The following PIP5K1B variants were observed in gnomAD, a reference collection of about 807,000 sequenced individuals.
The protein encoded by PIP5K1B is phosphatidylinositol-4-phosphate 5-kinase type 1 beta, also known as phosphatidylinositol 4-phosphate 5-kinase type-1 beta.
A neutral mutation model predicts 67.0 loss-of-function variants in PIP5K1B; 42 were observed. The ratio of observed to expected loss-of-function variants is 0.63; its 90% CI spans 0.49 to 0.81. PIP5K1B has a LOEUF of 0.81. PIP5K1B is among the 30% of genes least tolerant of loss of function. The pLI is 0.00. For missense variants in PIP5K1B, 459 were observed against 646.3 expected (o/e 0.71, Z 3.14); for synonymous variants, 214 against 231.4 (o/e 0.92, Z 0.68).
intron 12 of PIP5K1B, among the ~76,000 whole-genome samples, chr9:68,925,371 C>T (rs1015663859): frequency 1.3e-5 from 2 of 152,180 alleles, no homozygotes; most frequent in Non-Finnish European, 2.9e-5. Flanking sequence ...CGTATTCTGC[C>T]AGCCCTTAGC....
rs573569124 is a variant in PIP5K1B at position 68,989,660 on chromosome 9, A to G, written c.1503-1480A>G. Among the ~76,000 whole-genome samples, 169 of 152,166 alleles carry G rather than the reference A, an allele frequency of 1.1e-3. 1 individual carries two copies. Among genetic ancestry groups the G allele is most frequent in the African/African-American group, 3.9e-3 (163 of 41,510 alleles). On this transcript the variant is annotated intron_variant, in intron 14 of 15. Transcript: ENST00000265382. ...AAATTTTGTATATCCATGAGCCCCT[A>G]AATTAATACCCAATTTTAACACTAT...
At chr9:68,978,056 A>G (rs566765363) in intron 14 of PIP5K1B, among the ~76,000 whole-genome samples, 5 of 152,310 alleles carry the variant, frequency 3.3e-5, no homozygotes, top group Admixed American at 6.5e-5. Flanking sequence ...TAAAAATTAT[A>G]TATATTTAAG....
intron 8 of PIP5K1B, among the ~76,000 whole-genome samples, chr9:68,895,329 A>AT (rs1403840600): frequency 6.6e-6 from 1 of 151,922 alleles, no homozygotes; most frequent in East Asian, 1.9e-4. Flanking sequence ...AGAGATAAAA[A>AT]TTTTTTTAGA....
Position 68,894,537 on chromosome 9 carries a change from A to C in PIP5K1B, c.670A>C (p.Thr224Pro). 1.2e-6 allele frequency: 2 copies of C among 1,614,060 alleles called. No individual in the cohort carries two copies. Among genetic ancestry groups the C allele is most frequent in the Non-Finnish European group, 1.7e-6 (2 of 1,179,924 alleles). Residue 224 changes from threonine (T) to proline (P), a missense_variant, in exon 8 of 16, where the codon ACA becomes CCA. Thr to Pro is a conservative substitution (Grantham distance 38). This residue lies in a region of PIP5K1B where 290 missense variants were observed against 474.4 expected (regional missense o/e 0.61). Coordinates refer to ENST00000265382, the MANE Select transcript of PIP5K1B (RefSeq NM_003558.4). ...SRKEREKSNP[T>P]FKDLDFLQDM... ...TAAAGAGAGAGAGAAATCCAACCCCACATTTAAGGACTTAGATTTCCTGCA... is the reference window on the plus strand; with the variant it reads ...TAAAGAGAGAGAGAAATCCAACCCCCCATTTAAGGACTTAGATTTCCTGCA...
At chr9:68,836,854 G>C (rs765446904) in intron 4 of PIP5K1B, among the ~76,000 whole-genome samples, 1 of 152,214 alleles carries the variant, frequency 6.6e-6, no homozygotes, top group Non-Finnish European at 1.5e-5. Context: ...TTGGCCCTCA[G>C]AGTCCCTAGT....
At chr9:68,936,327 A>G (rs995454845) in intron 13 of PIP5K1B, among the ~76,000 whole-genome samples, 2 of 152,026 alleles carry the variant, frequency 1.3e-5, no homozygotes, top group Non-Finnish European at 1.5e-5. Flanking sequence ...TTTGATACCC[A>G]TAATCAAGTC....
chr9:68,897,283 T>C (rs1446466362), intron 8 of PIP5K1B, among the ~76,000 whole-genome samples: 6 of 152,214 alleles, frequency 3.9e-5, no homozygotes, highest in African/African-American at 1.4e-4. Context: ...TAAACCTATA[T>C]TAGGATATAT....
chr9:68,885,416 T>A (rs1216134403), intron 6 of PIP5K1B, among the ~76,000 whole-genome samples: 2 of 152,204 alleles, frequency 1.3e-5, no homozygotes, highest in Non-Finnish European at 2.9e-5. Flanking sequence ...ACACAGTTAA[T>A]GTATATCTTT....
Position 68,940,755 on chromosome 9 carries a change from C to T in PIP5K1B, c.1467C>T (p.His489=), listed in dbSNP as rs1827518005. The T allele has an allele frequency of 6.2e-7, 1 of 1,613,780 alleles. No homozygotes were observed. Among genetic ancestry groups the T allele is most frequent in the South Asian group, 1.1e-5 (1 of 91,070 alleles). ...ISSSSLYVNE[H]YPHDRPTLYS... is the part of the protein sequence containing the mutation. ...CTTCTTCCTTATACGTCAATGAGCA[C>T]TATCCACACGACAGGCCTACACTCT... is the stretch of plus-strand genomic sequence containing the variant. The change falls in exon 14 of 16, where the codon CAC becomes CAT. Residue 489 remains histidine (H), a synonymous_variant. Transcript: ENST00000265382.
intron 2 of PIP5K1B, among the ~76,000 whole-genome samples, chr9:68,801,859 C>T (rs1452873695): frequency 6.6e-6 from 1 of 152,200 alleles, no homozygotes; most frequent in Non-Finnish European, 1.5e-5. Context: ...GGGTTTGCCC[C>T]AGCATATTAG....
intron 5 of PIP5K1B, among the ~76,000 whole-genome samples, chr9:68,867,013 G>T (rs1823391594): frequency 6.6e-6 from 1 of 152,120 alleles, no homozygotes; most frequent in South Asian, 2.1e-4. Flanking sequence ...CTGCTGCCAC[G>T]TAGGATGACT....
intron 4 of PIP5K1B, among the ~76,000 whole-genome samples, chr9:68,832,767 T>C (rs1297615485): frequency 2.6e-5 from 4 of 152,220 alleles, no homozygotes. Flanking sequence ...TGCAGTTCTT[T>C]CCAGCAGAGT....
At chr9:68,790,815 G>C (rs1157988885) in intron 2 of PIP5K1B, among the ~76,000 whole-genome samples, 1 of 152,168 alleles carries the variant, frequency 6.6e-6, no homozygotes, top group Non-Finnish European at 1.5e-5. Flanking sequence ...CTTTGATTTT[G>C]CATCAGCGGT....
intron 15 of PIP5K1B, among the ~76,000 whole-genome samples, chr9:68,994,391 AAAT>A (rs1165692350): frequency 2.0e-5 from 3 of 152,196 alleles, no homozygotes; most frequent in Non-Finnish European, 4.4e-5. Context: ...ATTATATGTT[AAAT>A]AATGTTTTTA....
chr9:69,005,729 T>C (rs1384517140), intron 15 of PIP5K1B, among the ~76,000 whole-genome samples: 1 of 152,080 alleles, frequency 6.6e-6, no homozygotes, highest in African/African-American at 2.4e-5. Flanking sequence ...AACTTCATAG[T>C]CATCTGGCCC....
At chr9:68,988,236 G>C (rs958676147) in intron 14 of PIP5K1B, among the ~76,000 whole-genome samples, 3 of 151,684 alleles carry the variant, frequency 2.0e-5, no homozygotes, top group African/African-American at 7.3e-5. Context: ...CCCTTTTTCT[G>C]TGAGTTTAAA....
In PIP5K1B at chr9:68,834,646, CTGGAGGTGCAATTAGAGGTGAAATA is replaced by C. The variant is rs567004093; in HGVS notation, c.69+11967_69+11991del. ...GAGATATGTTCTTGAGCCTACAGTT[CTGGAGGTGCAATTAGAGGTGAAATA>C]TGGGGCGGGGCTGGGGGGCTGAAGA... On this transcript the variant is annotated intron_variant, in intron 4 of 15. Transcript: ENST00000265382. Among the ~76,000 whole-genome samples the C allele has an allele frequency of 4.3e-4, 66 of 152,098 alleles. No homozygotes were observed. The East Asian group carries it at 7.5e-3, about 17-fold the overall frequency.
intron 12 of PIP5K1B, among the ~76,000 whole-genome samples, chr9:68,930,041 C>T (rs76637272): frequency 0.023 from 3,470 of 152,332 alleles, 102 homozygotes; most frequent in African/African-American, 0.07. Flanking sequence ...TAACGCTCTT[C>T]GCTTGTCTTT....
intron 8 of PIP5K1B, among the ~76,000 whole-genome samples, chr9:68,910,657 G>C (rs1024454525): frequency 1.3e-5 from 2 of 152,224 alleles, no homozygotes; most frequent in South Asian, 4.1e-4. Flanking sequence ...GTAACCTGAG[G>C]TAGAATTTTA....
Sources: allele counts gnomAD v4.1 joint callset (sites outside exome capture counted in the v4.1 genomes callset), GRCh38; gene constraint gnomAD v4.1.1; regional missense constraint gnomAD v4.1.1; transcripts MANE v1.5; gene names NCBI Gene and HGNC (gene_info 2026-07-23, HGNC 2026-07-21).